The following AKAP9 variants were observed in gnomAD, a reference collection of about 807,000 sequenced individuals.
AKAP9 encodes the protein A-kinase anchoring protein 9, also known as A-kinase anchor protein 9.
A neutral mutation model predicts 488.5 loss-of-function variants in AKAP9; 311 were observed. The observed-to-expected ratio is 0.64, with a 90% CI of 0.58 to 0.70. The LOEUF is 0.70. Ranked by LOEUF, AKAP9 falls within the 30% of genes least tolerant of loss-of-function variation. The probability of loss-of-function intolerance (pLI) is 0.00; values close to 1 mark genes in which losing one functional copy is unlikely to be tolerated. For missense variants in AKAP9, 4,215 were observed against 4,374.5 expected (o/e 0.96, Z 1.03); for synonymous variants, 1,462 against 1,483.5 (o/e 0.99, Z 0.33).
At chr7:92,006,326 T>G (rs1466880602) in intron 8 of AKAP9, among the ~76,000 whole-genome samples, 1 of 152,100 alleles carries the variant, frequency 6.6e-6, no homozygotes, top group South Asian at 2.1e-4. Flanking sequence ...GGTTTTTGTA[T>G]TTTTTGTAGA....
intron 36 of AKAP9, 49 bp downstream of exon 36, chr7:92,085,735 C>T (rs1814438379): frequency 7.9e-7 from 1 of 1,267,478 alleles, no homozygotes; most frequent in Non-Finnish European, 1.1e-6. Context: ...ATTATTTGAA[C>T]AATAATAATA....
At chr7:92,077,375 G>A (rs943445000) in intron 29 of AKAP9, among the ~76,000 whole-genome samples, 2 of 151,978 alleles carry the variant, frequency 1.3e-5, no homozygotes, top group African/African-American at 2.4e-5. Context: ...ACAGGCGTGA[G>A]CCACCACACC....
intron 12 of AKAP9, among the ~76,000 whole-genome samples, chr7:92,017,895 AT>A (rs1801747956): frequency 6.6e-6 from 1 of 152,148 alleles, no homozygotes; most frequent in African/African-American, 2.4e-5. Context: ...ACTCCAGTAG[AT>A]TTATATGAGT....
chr7:91,996,828 ATAG>A (rs1364661528), intron 7 of AKAP9, among the ~76,000 whole-genome samples: 3 of 152,196 alleles, frequency 2.0e-5, no homozygotes, highest in Non-Finnish European at 2.9e-5. Flanking sequence ...GATAATAATA[ATAG>A]TAGTAGTAAT....
chr7:92,021,828 T>C (rs1338110546), intron 12 of AKAP9, among the ~76,000 whole-genome samples: 1 of 152,200 alleles, frequency 6.6e-6, no homozygotes, highest in Non-Finnish European at 1.5e-5. Context: ...AGTTACCTGG[T>C]TGTACATAGG....
chr7:92,002,671 T>A lies in AKAP9; in HGVS notation c.2754T>A (p.Asp918Glu). 6.2e-7 allele frequency: 1 copy of A among 1,613,454 alleles called. No individual in the cohort carries two copies. The highest frequency in any genetic ancestry group is 8.5e-7 in the Non-Finnish European group (1 of 1,179,662). The change falls in exon 8 of 50, where the codon GAT becomes GAA. Residue 918 changes from aspartate (D) to glutamate (E), a missense_variant. By Grantham distance (45) the Asp-to-Glu change is conservative. Transcript: ENST00000356239. ...TGAAAATGAAAAGTTCTGTCTTTGA[T>A]GAAGACAAAACTTTTGTAGCAGAAA... is the stretch of plus-strand genomic sequence containing the variant. ...TTVKMKSSVF[D>E]EDKTFVAETL...
At chr7:92,022,144 A>T in intron 12 of AKAP9, 94 bp from the exon 13 acceptor site, 1 of 1,010,584 alleles carries the variant, frequency 9.9e-7, no homozygotes, top group Non-Finnish European at 1.6e-6. Flanking sequence ...GTGGTTTTAA[A>T]AAAGCATCTT....
At chr7:91,945,969 G>A (rs907038510) in intron 1 of AKAP9, among the ~76,000 whole-genome samples, 1 of 151,952 alleles carries the variant, frequency 6.6e-6, no homozygotes, top group Non-Finnish European at 1.5e-5. Context: ...TATATAATGG[G>A]CATTATTTGC....
chr7:92,087,637 T>A (rs10234290), intron 37 of AKAP9, among the ~76,000 whole-genome samples: 3 of 151,464 alleles, frequency 2.0e-5, no homozygotes, highest in African/African-American at 7.3e-5. Flanking sequence ...GGACTTCTTG[T>A]AGAACTGATG....
At chr7:92,049,110 A>G in intron 21 of AKAP9, among the ~76,000 whole-genome samples, 1 of 152,220 alleles carries the variant, frequency 6.6e-6, no homozygotes, top group East Asian at 1.9e-4. Flanking sequence ...CAGGGAATGA[A>G]CATGATATAA....
Position 92,016,119 on chromosome 7 carries a change from T to C in AKAP9, c.3613-10T>C. ...AAATTCCTTAAAATACACAATTTTG[T>C]TGTTAACAGACTTTATGCAGTGTCC... On this transcript the variant is annotated splice_polypyrimidine_tract_variant and intron_variant, in intron 10 of 49. Coordinates refer to ENST00000356239, the MANE Select transcript of AKAP9 (RefSeq NM_005751.5). 2 of 1,594,806 alleles carry C rather than the reference T, an allele frequency of 1.3e-6. No individual in the cohort carries two copies. The highest frequency in any genetic ancestry group is 1.7e-6 in the Non-Finnish European group (2 of 1,164,172).
At chr7:91,955,206 G>A (rs1792816327) in intron 1 of AKAP9, among the ~76,000 whole-genome samples, 1 of 152,028 alleles carries the variant, frequency 6.6e-6, no homozygotes, top group African/African-American at 2.4e-5. Context: ...GTCATGGATG[G>A]GAGAAGCTAT....
chr7:92,089,375 T>A lies in AKAP9; in HGVS notation c.9214-10T>A. On this transcript the variant is annotated splice_polypyrimidine_tract_variant and intron_variant, in intron 37 of 49. Transcript: ENST00000356239. ...GCTCTTCACTTGTTTTTTACCTTCC[T>A]TTGTTACAGGGTGTTGAATATCAAG... 6.2e-7 allele frequency: 1 copy of A among 1,611,492 alleles called. No individual in the cohort carries two copies. The highest frequency in any genetic ancestry group is 8.5e-7 in the Non-Finnish European group (1 of 1,179,574).
At chr7:92,093,890 G>A (rs953520577) in intron 39 of AKAP9, among the ~76,000 whole-genome samples, 11 of 151,008 alleles carry the variant, frequency 7.3e-5, no homozygotes, top group South Asian at 2.1e-4. Context: ...TCGCTCTGTC[G>A]CCCAGACTGG....
At chr7:91,945,131 TG>T (rs1295084243) in intron 1 of AKAP9, among the ~76,000 whole-genome samples, 2 of 151,922 alleles carry the variant, frequency 1.3e-5, no homozygotes, top group African/African-American at 4.8e-5. Flanking sequence ...GAGGCTGAGG[TG>T]GGAGGATCGC....
intron 1 of AKAP9, among the ~76,000 whole-genome samples, chr7:91,945,223 C>G (rs1791317183): frequency 6.6e-6 from 1 of 151,868 alleles, no homozygotes; most frequent in Admixed American, 6.6e-5. Context: ...AAAAACAAAA[C>G]AGGTGGGGCG....
rs1410439108 is a variant in AKAP9, at chr7:91,945,248, T to C, written c.48+4101T>C. Reference sequence around the variant, plus strand: ...CAGGTGGGGCGCAGTGGCTCACACCTGTAATCCAAGCACTTTAGGAGGTTG... The same window carrying C: ...CAGGTGGGGCGCAGTGGCTCACACCCGTAATCCAAGCACTTTAGGAGGTTG... On this transcript the variant is annotated intron_variant, in intron 1 of 49. Coordinates refer to ENST00000356239, the MANE Select transcript of AKAP9 (RefSeq NM_005751.5). Among the ~76,000 whole-genome samples, 4 of 152,158 alleles carry C rather than the reference T, an allele frequency of 2.6e-5. No individual in the cohort carries two copies. In the East Asian group the frequency reaches 7.7e-4, roughly 29 times the overall value.
At chr7:92,049,542 C>T (rs113779032) in intron 21 of AKAP9, among the ~76,000 whole-genome samples, 2,176 of 152,096 alleles carry the variant, frequency 0.014, 47 homozygotes, top group African/African-American at 0.049. Context: ...ACCCCGGAGG[C>T]GGAGCTTTCA....
chr7:92,010,088 G>A (rs550536574), intron 8 of AKAP9, among the ~76,000 whole-genome samples: 48 of 152,254 alleles, frequency 3.2e-4, no homozygotes, highest in Admixed American at 1.3e-3. Context: ...GGAGGATCTC[G>A]CTGTGTTGCC....
Sources: allele counts gnomAD v4.1 joint callset (sites outside exome capture counted in the v4.1 genomes callset), GRCh38; gene constraint gnomAD v4.1.1; transcripts MANE v1.5; gene names NCBI Gene and HGNC (gene_info 2026-07-23, HGNC 2026-07-21).